The following WLS variants were observed in gnomAD, a reference collection of about 807,000 sequenced individuals.
WLS encodes the protein protein wntless homolog.
In WLS, 23 loss-of-function variants were observed where a neutral mutation model predicts 62.8. The ratio of observed to expected loss-of-function variants is 0.37; its 90% confidence interval spans 0.26 to 0.52. The LOEUF is 0.52. Among genes scored for constraint, WLS ranks in the 20% least tolerant of loss-of-function variants. The pLI is 0.92. For synonymous variants in WLS, 246 were observed against 244.1 expected (o/e 1.01, Z -0.07); for missense variants, 615 against 697.3 (o/e 0.88, Z 1.33).
intron 1 of WLS, among the ~76,000 whole-genome samples, chr1:68,225,932 T>C (rs1397943032): frequency 6.6e-6 from 1 of 152,210 alleles, no homozygotes; most frequent in African/African-American, 2.4e-5. Flanking sequence ...CATTTGATGG[T>C]TAACTTGGCT....
At position 68,186,749 on chromosome 1, in the gene WLS, G is replaced by T; in HGVS notation, c.379+7206C>A. On this transcript the variant is annotated intron_variant, in intron 2 of 11. Transcript: ENST00000262348. The stretch of plus-strand genomic sequence containing the variant: ...TCAGAGAGAAATCTAGACCTGATGT[G>T]CCTGTTATACTAAAACATGTGTGTA... 4 of 446,930 alleles carry T rather than the reference G, an allele frequency of 8.9e-6. No homozygotes were observed. The Admixed American group carries it at 9.8e-5, about 11-fold the overall frequency. The allele number at this position is 446,930 out of a possible 1,614,324, so 27.7% of individuals were successfully genotyped here. A position where few individuals can be genotyped will look rare whatever the true frequency, so the allele number is the denominator to read the frequency against.
intron 1 of WLS, among the ~76,000 whole-genome samples, chr1:68,201,554 T>C (rs1649016782): frequency 2.0e-5 from 3 of 152,248 alleles, no homozygotes; most frequent in Admixed American, 2.0e-4. Context: ...GAGCTGAAAG[T>C]GTGTCTACAG....
chr1:68,157,059 T>C (rs1557483120), intron 3 of WLS, among the ~76,000 whole-genome samples: 1 of 152,214 alleles, frequency 6.6e-6, no homozygotes, highest in Admixed American at 6.5e-5. Flanking sequence ...AGTAGCAGAA[T>C]TGGGAGAAGG....
At chr1:68,158,119 T>C (rs1646923174) in intron 3 of WLS, among the ~76,000 whole-genome samples, 1 of 152,272 alleles carries the variant, frequency 6.6e-6, no homozygotes, top group South Asian at 2.1e-4. Context: ...GCTCTCAAAC[T>C]TCATAGAGTT....
chr1:68,193,432 AAAAAAAAAAAC>A (rs1648469544), intron 2 of WLS, among the ~76,000 whole-genome samples: 1 of 141,134 alleles, frequency 7.1e-6, no homozygotes, highest in Non-Finnish European at 1.5e-5. Flanking sequence ...AAAAAAAAAA[AAAAAAAAAAAC>A]GAAAAAAAAA....
chr1:68,190,565 G>A (rs566994444), intron 2 of WLS, among the ~76,000 whole-genome samples: 1 of 152,328 alleles, frequency 6.6e-6, no homozygotes, highest in South Asian at 2.1e-4. Flanking sequence ...GCAGTCTTAT[G>A]GAGAGACCCA....
chr1:68,105,513 C>G (rs1420061448), intron 11 of WLS, among the ~76,000 whole-genome samples: 1 of 152,158 alleles, frequency 6.6e-6, no homozygotes, highest in African/African-American at 2.4e-5. Context: ...TTTTGAGTAG[C>G]AACTTTGAAA....
In WLS at chr1:68,194,036, G is replaced by T. The variant is rs143496382; in HGVS notation, c.298C>A (p.His100Asn). 4.5e-5 allele frequency: 72 copies of T among 1,614,018 alleles called. No homozygotes were observed. Among genetic ancestry groups the T allele is most frequent in the Non-Finnish European group, 5.8e-5 (68 of 1,180,016 alleles). The change falls in exon 2 of 12, where the codon CAC becomes AAC. Residue 100 changes from histidine to asparagine, a missense_variant. His to Asn is a moderately conservative substitution (Grantham distance 68). Transcript: ENST00000262348. ...TGGAACCAAGGACTCATCTCCATGT[G>T]GGGGAGGGGAATGTGAACAGAAAAC... ...IVFSVHIPLPHMEMSPWFQFM... is the reference protein window; with the variant it reads ...IVFSVHIPLPNMEMSPWFQFM...
chr1:68,212,951 G>C (rs1183125746), intron 1 of WLS, among the ~76,000 whole-genome samples: 1 of 152,102 alleles, frequency 6.6e-6, no homozygotes, highest in Non-Finnish European at 1.5e-5. Context: ...TCAGAATTTA[G>C]CTAAGCGCTA....
chr1:68,185,918 C>G (rs972330590), intron 2 of WLS, among the ~76,000 whole-genome samples: 1 of 152,186 alleles, frequency 6.6e-6, no homozygotes, highest in African/African-American at 2.4e-5. Flanking sequence ...TAGGCCTCTT[C>G]CCTCCTGGCT....
intron 5 of WLS, among the ~76,000 whole-genome samples, chr1:68,153,005 G>A (rs1369436684): frequency 6.6e-6 from 1 of 152,186 alleles, no homozygotes; most frequent in Admixed American, 6.5e-5. Flanking sequence ...TCAGCTGGGT[G>A]TGGTGGCTCA....
At chr1:68,179,123 C>G (rs1031051341) in intron 2 of WLS, among the ~76,000 whole-genome samples, 3 of 152,184 alleles carry the variant, frequency 2.0e-5, no homozygotes, top group African/African-American at 7.2e-5. Flanking sequence ...CATTTCAACA[C>G]TAAGCTCACC....
chr1:68,142,712 G>A (rs6671216), intron 10 of WLS: 8,074 of 152,186 alleles, frequency 0.053, 399 homozygotes, highest in African/African-American at 0.13. Context: ...ACATATATGT[G>A]TATCAGTTTA....
intron 1 of WLS, among the ~76,000 whole-genome samples, chr1:68,217,574 C>T (rs1472158374): frequency 1.3e-5 from 2 of 152,124 alleles, no homozygotes; most frequent in Non-Finnish European, 2.9e-5. Context: ...ATAACAGAAC[C>T]CCAAACTGAC....
chr1:68,119,113 T>G (rs1334766970), intron 11 of WLS, among the ~76,000 whole-genome samples: 2 of 152,126 alleles, frequency 1.3e-5, no homozygotes, highest in East Asian at 1.9e-4. Flanking sequence ...CCATCCTTTT[T>G]AGAGACTATA....
At chr1:68,166,823 T>C (rs1463921829) in intron 2 of WLS, among the ~76,000 whole-genome samples, 1 of 152,206 alleles carries the variant, frequency 6.6e-6, no homozygotes, top group African/African-American at 2.4e-5. Context: ...GCAGAGGTGT[T>C]ATTCCTGTTT....
At chr1:68,213,591 C>G (rs1184279617) in intron 1 of WLS, among the ~76,000 whole-genome samples, 1 of 151,988 alleles carries the variant, frequency 6.6e-6, no homozygotes, top group Non-Finnish European at 1.5e-5. Context: ...TAATTTGGCA[C>G]CTTGAGTGAG....
chr1:68,207,963 C>T (rs2566795), intron 1 of WLS, among the ~76,000 whole-genome samples: 2,538 of 152,210 alleles, frequency 0.017, 75 homozygotes, highest in African/African-American at 0.058. Flanking sequence ...GTCTTCTTGC[C>T]CTGAGGGGTG....
Position 68,153,634 on chromosome 1 carries a change from C to T in WLS, c.686G>A (p.Gly229Asp). 1 of 1,614,168 alleles carries T rather than the reference C, an allele frequency of 6.2e-7. No individual in the cohort carries two copies. The highest frequency in any genetic ancestry group is 8.5e-7 in the Non-Finnish European group (1 of 1,180,022). ...IRLVGIHQNG[G>D]FTKVWFAMKT... ...CATGGCAAACCACACCTTGGTGAAG[C>T]CTCCATTTTGGTGGATCCCCTAGGC... The change falls in exon 5 of 12, where the codon GGC becomes GAC. Residue 229 changes from glycine to aspartate, a missense_variant. Coordinates refer to ENST00000262348, the MANE Select transcript of WLS (RefSeq NM_024911.7).
Sources: gnomAD v4.1 joint callset for allele counts (sites outside exome capture counted in the v4.1 genomes callset) on GRCh38, gnomAD v4.1.1 for gene constraint, MANE v1.5 for transcripts, NCBI Gene and HGNC (gene_info 2026-07-23, HGNC 2026-07-21) for gene names.